Variants in UGT2B10 observed in about 807,000 individuals in gnomAD.
UGT2B10 encodes UDP-glucuronosyltransferase 2B10.
Under a neutral mutation model 43.7 loss-of-function variants are expected in UGT2B10, and 51 were observed. That is an observed-to-expected ratio of 1.17 (90% CI 0.93 to 1.47). The LOEUF (loss-of-function observed/expected upper bound fraction) is 1.47. Among genes scored for constraint, UGT2B10 ranks in the 40% most tolerant of loss-of-function variants. The pLI, the probability that UGT2B10 is intolerant of heterozygous loss-of-function variation, is 0.00. For missense variants in UGT2B10, 696 were observed against 617.7 expected (o/e 1.13, Z -1.34); for synonymous variants, 225 against 209.0 (o/e 1.08, Z -0.66).
At chr4:68,828,702 CAT>C (rs1001510255) in intron 5 of UGT2B10, among the ~76,000 whole-genome samples, 1 of 151,940 alleles carries the variant, frequency 6.6e-6, no homozygotes, top group African/African-American at 2.4e-5. Flanking sequence ...GATATACACA[CAT>C]GTACATATAC....
intron 5 of UGT2B10, among the ~76,000 whole-genome samples, chr4:68,828,411 A>G (rs1251101901): frequency 6.6e-6 from 1 of 151,564 alleles, no homozygotes; most frequent in Non-Finnish European, 1.5e-5. Flanking sequence ...GGAGGGTATC[A>G]TCTAAAGAAA....
intron 5 of UGT2B10, among the ~76,000 whole-genome samples, chr4:68,829,688 A>G (rs550914020): frequency 1.6e-4 from 24 of 152,148 alleles, no homozygotes; most frequent in African/African-American, 3.6e-4. Context: ...GCAAGAAAGA[A>G]TACTCCAAGA....
intron 5 of UGT2B10, 110 bp from the exon 6 acceptor site, chr4:68,830,490 T>C: frequency 7.7e-7 from 1 of 1,303,428 alleles, no homozygotes; most frequent in Non-Finnish European, 1.0e-6. Flanking sequence ...ATATCAATTC[T>C]TTGACATTTA....
At chr4:68,817,883 T>C in intron 1 of UGT2B10, 146 bp from the exon 2 acceptor site, 1 of 922,214 alleles carries the variant, frequency 1.1e-6, no homozygotes, top group Non-Finnish European at 1.5e-6. Context: ...AAATAAATTA[T>C]TCCTATATAT....
At chr4:68,824,010 T>C (rs1271586655) in intron 3 of UGT2B10, among the ~76,000 whole-genome samples, 3 of 152,196 alleles carry the variant, frequency 2.0e-5, no homozygotes, top group Admixed American at 6.6e-5. Context: ...ACAGATGTTA[T>C]CAGAAAAAGT....
intron 1 of UGT2B10, among the ~76,000 whole-genome samples, chr4:68,817,473 A>C (rs1299365518): frequency 6.6e-6 from 1 of 151,780 alleles, no homozygotes; most frequent in Non-Finnish European, 1.5e-5. Context: ...ATAATTTACA[A>C]ATATTTTTAC....
chr4:68,820,088 T>C (rs1373475939), intron 2 of UGT2B10, among the ~76,000 whole-genome samples: 1 of 151,784 alleles, frequency 6.6e-6, no homozygotes, highest in Non-Finnish European at 1.5e-5. Flanking sequence ...ATTTCCCCAC[T>C]CACACTAAGG....
At chr4:68,828,015 G>T (rs1287755755) in intron 5 of UGT2B10, among the ~76,000 whole-genome samples, 3 of 151,790 alleles carry the variant, frequency 2.0e-5, no homozygotes, top group African/African-American at 4.8e-5. Flanking sequence ...ACCTATTTAT[G>T]GCAAAAATTC....
intron 3 of UGT2B10, among the ~76,000 whole-genome samples, chr4:68,822,829 G>T (rs1234499169): frequency 6.6e-6 from 1 of 152,062 alleles, no homozygotes. Flanking sequence ...TATATATCCA[G>T]AACTGTGTTC....
At chr4:68,822,423 G>A (rs376225944) in intron 3 of UGT2B10, 21 bp downstream of exon 3, 432 of 1,611,372 alleles carry the variant, frequency 2.7e-4, no homozygotes, top group Non-Finnish European at 3.5e-4. Context: ...GTGCCTTACT[G>A]GTGTGGAAAA....
At chr4:68,829,995 T>C (rs1035059934) in intron 5 of UGT2B10, among the ~76,000 whole-genome samples, 1 of 152,004 alleles carries the variant, frequency 6.6e-6, no homozygotes, top group African/African-American at 2.4e-5. Flanking sequence ...AAGAGTAATC[T>C]AGAAGCCAAG....
At chr4:68,826,375 A>T (rs768555191) in intron 3 of UGT2B10, 35 bp from the exon 4 acceptor site, 2 of 1,589,794 alleles carry the variant, frequency 1.3e-6, no homozygotes, top group South Asian at 2.3e-5. Context: ...TTTGAGTTCC[A>T]CTCGTGGAAT....
Position 68,831,097 on chromosome 4 carries a change from A to G in UGT2B10, c.*218A>G. On this transcript the variant is annotated 3_prime_UTR_variant, in exon 6 of 6. Transcript: ENST00000265403. ...AATGAAGAAAACACTAGGGGAAATA[A>G]AAAATAATATAAAGCCATATGAGCT... 1.7e-6 allele frequency: 1 copy of G among 604,094 alleles called. No homozygotes were observed. The highest frequency in any genetic ancestry group is 2.8e-6 in the Non-Finnish European group (1 of 361,742). 37.4% of individuals were successfully genotyped at this position (604,094 alleles called of 1,614,324 possible).
chr4:68,827,968 C>T (rs1737885756), intron 5 of UGT2B10, among the ~76,000 whole-genome samples: 1 of 151,774 alleles, frequency 6.6e-6, no homozygotes, highest in Non-Finnish European at 1.5e-5. Context: ...TTGTAACAGA[C>T]TTGAAAATGA....
At chr4:68,826,817 G>C (rs1189846066) in intron 4 of UGT2B10, among the ~76,000 whole-genome samples, 1 of 151,936 alleles carries the variant, frequency 6.6e-6, no homozygotes, top group Non-Finnish European at 1.5e-5. Context: ...CTCCTCTCCT[G>C]CAGGGTTATT....
At chr4:68,829,117 G>A (rs1737947390) in intron 5 of UGT2B10, among the ~76,000 whole-genome samples, 1 of 151,838 alleles carries the variant, frequency 6.6e-6, no homozygotes, top group East Asian at 1.9e-4. Context: ...GTTAGCAACA[G>A]AAATATCTAT....
rs1301573929 is a variant in UGT2B10 at position 68,826,470 on chromosome 4, A to G, written c.1060A>G (p.Lys354Glu). 1.2e-6 allele frequency: 2 copies of G among 1,612,420 alleles called. No individual in the cohort carries two copies. The highest frequency in any genetic ancestry group is 2.2e-5 in the South Asian group (2 of 90,944). ...DALGLNTRLY[K>E]WIPQNDLLGH... ...CTTAGGTCTCAATACTCGACTGTAC[A>G]AGTGGATACCCCAGAATGACCTTCT... The change falls in exon 4 of 6, where the codon AAG becomes GAG. Residue 354 changes from lysine (K) to glutamate (E), a missense_variant. By Grantham distance (56) the Lys-to-Glu change is moderately conservative (BLOSUM62 1). Transcript: ENST00000265403.
At chr4:68,817,901 T>C in intron 1 of UGT2B10, 128 bp from the exon 2 acceptor site, 1 of 1,072,310 alleles carries the variant, frequency 9.3e-7, no homozygotes, top group Non-Finnish European at 1.3e-6. Flanking sequence ...TATGAATATA[T>C]GTACATATTT....
rs1283734546 is a variant in UGT2B10, at chr4:68,831,088, G to C, written c.*209G>C. ...TTCTGTGGCAATGAAGAAAACACTAGGGGAAATAAAAAATAATATAAAGCC... is the reference window on the plus strand; with the variant it reads ...TTCTGTGGCAATGAAGAAAACACTACGGGAAATAAAAAATAATATAAAGCC... On this transcript the variant is annotated 3_prime_UTR_variant, in exon 6 of 6. Transcript: ENST00000265403. 1.6e-6 allele frequency: 1 copy of C among 633,206 alleles called. No homozygotes were observed. The highest frequency in any genetic ancestry group is 1.8e-5 in the African/African-American group (1 of 54,138). The allele number at this position is 633,206 out of a possible 1,614,324, so 39.2% of individuals were successfully genotyped here.
Sources: gnomAD v4.1 joint callset for allele counts (sites outside exome capture counted in the v4.1 genomes callset) on GRCh38, gnomAD v4.1.1 for gene constraint, MANE v1.5 for transcripts, NCBI Gene and HGNC (gene_info 2026-07-23, HGNC 2026-07-21) for gene names.